Variants in NME7 observed in about 807,000 individuals in gnomAD.
NME7 encodes the protein nucleoside diphosphate kinase 7.
A neutral mutation model predicts 49.1 loss-of-function variants in NME7; 41 were observed. The observed-to-expected ratio is 0.83, with a 90% CI of 0.65 to 1.08. The LOEUF is 1.08. Ranked by LOEUF, NME7 falls within the 50% of genes least tolerant of loss-of-function variation. NME7 has a pLI of 0.00. For synonymous variants in NME7, 139 were observed against 150.6 expected, an observed-to-expected ratio of 0.92 and a Z score of 0.56; for missense variants, 423 against 463.4, an observed-to-expected ratio of 0.91 and a Z score of 0.80.
chr1:169,185,237 C>T lies in NME7; in HGVS notation c.991-15683G>A, dbSNP rs1031956462. Reference sequence around the variant, plus strand: ...CAATTAATAAGTCCAAAATAAGACACGACAATTCAAGGAACTTTTTCATCT... The same window carrying T: ...CAATTAATAAGTCCAAAATAAGACATGACAATTCAAGGAACTTTTTCATCT... On this transcript the variant is annotated intron_variant, in intron 10 of 11. Coordinates refer to ENST00000367811, the MANE Select transcript of NME7 (RefSeq NM_013330.5). Among the ~76,000 whole-genome samples, 9 of 152,274 alleles carry T rather than the reference C, an allele frequency of 5.9e-5. No individual in the cohort carries two copies. The East Asian group carries it at 7.7e-4, about 13-fold the overall frequency.
chr1:169,231,227 G>A (rs1647602184), intron 9 of NME7, among the ~76,000 whole-genome samples: 2 of 152,080 alleles, frequency 1.3e-5, no homozygotes, highest in African/African-American at 4.8e-5. Context: ...AATAGGACCA[G>A]ATTTATTCTC....
At position 169,168,969 on chromosome 1, in the gene NME7, T is replaced by C. The variant is rs1298379209; in HGVS notation, c.1098+478A>G. On this transcript the variant is annotated intron_variant, in intron 11 of 11. Transcript: ENST00000367811. ...AAACATTGTTCAAGGGTCAACTGTA[T>C]GTATTTTCATGACTAGCAATTTATG... 13 of 440,106 alleles carry C rather than the reference T, an allele frequency of 3.0e-5. No homozygotes were observed. In the Admixed American group the frequency reaches 3.3e-4, roughly 11 times the overall value. 27.3% of individuals were successfully genotyped at this position (440,106 alleles called of 1,614,324 possible).
intron 1 of NME7, among the ~76,000 whole-genome samples, chr1:169,330,156 T>C (rs1652200909): frequency 6.6e-6 from 1 of 152,104 alleles, no homozygotes; most frequent in Non-Finnish European, 1.5e-5. Context: ...AGCTGAGAAA[T>C]TTCATCAACA....
At chr1:169,256,384 G>A (rs61178888) in intron 7 of NME7, among the ~76,000 whole-genome samples, 2,483 of 132,298 alleles carry the variant, frequency 0.019, 346 homozygotes, top group African/African-American at 0.055. Flanking sequence ...CGTTCTTCAC[G>A]TAGTTCTCGA....
At chr1:169,363,306 C>T (rs1488881707) in intron 1 of NME7, among the ~76,000 whole-genome samples, 1 of 151,564 alleles carries the variant, frequency 6.6e-6, no homozygotes, top group Non-Finnish European at 1.5e-5. Context: ...TTCAAAGTAC[C>T]CTGTGTCTTG....
At chr1:169,278,055 C>T (rs975739529) in intron 7 of NME7, among the ~76,000 whole-genome samples, 4 of 151,716 alleles carry the variant, frequency 2.6e-5, no homozygotes, top group African/African-American at 7.3e-5. Flanking sequence ...CCGAGAGATC[C>T]GCTGTTAGTC....
chr1:169,178,817 CTTCT>C lies in NME7; in HGVS notation c.991-9267_991-9264del, dbSNP rs1249258534. Among the ~76,000 whole-genome samples the C allele has an allele frequency of 4.1e-5, 4 of 98,674 alleles. No homozygotes were observed. The Admixed American group carries it at 4.9e-4, about 12-fold the overall frequency. The allele number at this position is 98,674 out of a possible 152,430, so 64.7% of individuals were successfully genotyped here. A position where few individuals can be genotyped will look rare whatever the true frequency, so the allele number is the denominator to read the frequency against. Reference sequence around the variant, plus strand: ...TCAATTAGACTTCTAGCTGAAACCTCTTCTTTTTTTTTTTTTTTTTTGAGACAGA... The same window carrying C: ...TCAATTAGACTTCTAGCTGAAACCTCTTTTTTTTTTTTTTTTTGAGACAGA... On this transcript the variant is annotated intron_variant, in intron 10 of 11. Transcript: ENST00000367811.
At chr1:169,205,200 T>A (rs1250792500) in intron 10 of NME7, among the ~76,000 whole-genome samples, 3 of 152,166 alleles carry the variant, frequency 2.0e-5, no homozygotes, top group Non-Finnish European at 4.4e-5. Context: ...ATTTACTAAT[T>A]CACTACTTTC....
At chr1:169,264,533 C>T (rs1366789244) in intron 7 of NME7, among the ~76,000 whole-genome samples, 1 of 133,576 alleles carries the variant, frequency 7.5e-6, no homozygotes. Flanking sequence ...TCCAATTCAA[C>T]AATTCTTAAA....
intron 1 of NME7, among the ~76,000 whole-genome samples, chr1:169,350,657 G>T (rs990392207): frequency 2.6e-5 from 4 of 151,500 alleles, no homozygotes; most frequent in African/African-American, 9.7e-5. Context: ...GAAATAGAAG[G>T]ATATTCAAGA....
At chr1:169,147,532 T>C (rs1032031427) in intron 11 of NME7, among the ~76,000 whole-genome samples, 5 of 152,212 alleles carry the variant, frequency 3.3e-5, no homozygotes, top group Non-Finnish European at 5.9e-5. Flanking sequence ...AATTAATGCA[T>C]ATAAAACACT....
At chr1:169,282,751 T>C (rs573092044) in intron 7 of NME7, among the ~76,000 whole-genome samples, 1 of 152,324 alleles carries the variant, frequency 6.6e-6, no homozygotes, top group African/African-American at 2.4e-5. Context: ...CCATGTATTT[T>C]GTGCAGTTTT....
intron 11 of NME7, among the ~76,000 whole-genome samples, chr1:169,163,581 T>C (rs1172976995): frequency 6.6e-6 from 1 of 152,056 alleles, no homozygotes; most frequent in Non-Finnish European, 1.5e-5. Flanking sequence ...ATTGAGACAA[T>C]TGGTGAAATC....
intron 7 of NME7, among the ~76,000 whole-genome samples, chr1:169,252,588 G>C (rs1648681704): frequency 1.3e-5 from 2 of 152,138 alleles, no homozygotes; most frequent in African/African-American, 4.8e-5. Flanking sequence ...TGTCGATTTT[G>C]TCTTTTGCTG....
At chr1:169,191,307 A>G (rs1205208676) in intron 10 of NME7, among the ~76,000 whole-genome samples, 1 of 152,216 alleles carries the variant, frequency 6.6e-6, no homozygotes, top group South Asian at 2.1e-4. Flanking sequence ...GTTGGTTGCC[A>G]TTAAAGCCTG....
At chr1:169,295,127 C>T (rs547303583) in intron 6 of NME7, among the ~76,000 whole-genome samples, 10 of 152,248 alleles carry the variant, frequency 6.6e-5, no homozygotes, top group Admixed American at 1.3e-4. Flanking sequence ...GAGACCCTCA[C>T]GAGATGCAGA....
intron 7 of NME7, 43 bp downstream of exon 7, chr1:169,287,260 C>T (rs1650310948): frequency 7.3e-7 from 1 of 1,360,800 alleles, no homozygotes; most frequent in East Asian, 2.3e-5. Flanking sequence ...AAACATTGCT[C>T]TCCTATTAAC....
chr1:169,220,325 T>G lies in NME7; in HGVS notation c.990+10393A>C, dbSNP rs551830020. The stretch of plus-strand genomic sequence containing the variant: ...AATTATAAGTGAATATAAATAAACT[T>G]TATTACAGTTCAATTTTAAGAGGTA... On this transcript the variant is annotated intron_variant, in intron 10 of 11. Coordinates refer to ENST00000367811, the MANE Select transcript of NME7 (RefSeq NM_013330.5). Among the ~76,000 whole-genome samples, 4 of 152,290 alleles carry G rather than the reference T, an allele frequency of 2.6e-5. No homozygotes were observed. The South Asian group carries it at 8.3e-4, about 32-fold the overall frequency.
intron 7 of NME7, among the ~76,000 whole-genome samples, chr1:169,248,005 G>T (rs891433270): frequency 6.6e-6 from 1 of 152,064 alleles, no homozygotes; most frequent in Admixed American, 6.6e-5. Flanking sequence ...ACTGAGTAGT[G>T]GGATTGCTGA....
Sources: allele counts gnomAD v4.1 joint callset (sites outside exome capture counted in the v4.1 genomes callset), GRCh38; gene constraint gnomAD v4.1.1; transcripts MANE v1.5; gene names NCBI Gene and HGNC (gene_info 2026-07-23, HGNC 2026-07-21).